The following VPS52 variants were observed in gnomAD, a reference collection of about 807,000 sequenced individuals.
The protein encoded by VPS52 is vacuolar protein sorting-associated protein 52 homolog.
In VPS52, 56 loss-of-function variants were observed where a neutral mutation model predicts 98.7. That is an observed-to-expected ratio of 0.57 (90% CI 0.46 to 0.71). The LOEUF is 0.71. VPS52 is among the 30% of genes least tolerant of loss of function. The probability of loss-of-function intolerance (pLI) is 0.00; values close to 1 mark genes in which losing one functional copy is unlikely to be tolerated. For missense variants in VPS52, 742 were observed against 925.9 expected, an observed-to-expected ratio of 0.80 and a Z score of 2.58; for synonymous variants, 348 against 346.4, an observed-to-expected ratio of 1.00 and a Z score of -0.05.
At chr6:33,266,160 ATT>A (rs9280390) in intron 12 of VPS52, among the ~76,000 whole-genome samples, 5,751 of 119,558 alleles carry the variant, frequency 0.048, 349 homozygotes, top group African/African-American at 0.17. Flanking sequence ...GCACCTGGCT[ATT>A]TTTTTTTTTT....
chr6:33,266,589 C>T lies in VPS52; in HGVS notation c.1249G>A (p.Ala417Thr), dbSNP rs1164458751. ...SGPAAHDLFH[A>T]VMGRTLSMTL... ...ATGCTGAGTGTACGGCCCATGACAG[C>T]ATGGAACAGGTCGTGTGCAGCTGGG... Residue 417 changes from alanine (A) to threonine (T), a missense_variant, in exon 12 of 20, where the codon GCT becomes ACT. Around this residue, in one of 2 missense-constraint regions of VPS52, gnomAD observed 590 missense variants for 793.3 expected, o/e 0.74. Coordinates refer to ENST00000445902, the MANE Select transcript of VPS52 (RefSeq NM_022553.6). 1.9e-6 allele frequency: 3 copies of T among 1,611,938 alleles called. No homozygotes were observed. The East Asian group carries it at 6.7e-5, about 36-fold the overall frequency.
chr6:33,269,075 C>G lies in VPS52; in HGVS notation c.487G>C (p.Ala163Pro). 6.2e-7 allele frequency: 1 copy of G among 1,612,938 alleles called. No homozygotes were observed. Among genetic ancestry groups the G allele is most frequent in the Non-Finnish European group, 8.5e-7 (1 of 1,179,950 alleles). ...AMNIRLRNRQ[A>P]VRGKLGELVD... ...AGCTCCCCAAGTTTCCCCCGAACTG[C>G]CTGGCGATTTCGAAGTCGAATGTTC... Residue 163 changes from alanine to proline, a missense_variant, in exon 6 of 20, where the codon GCA (alanine) becomes CCA (proline). Transcript: ENST00000445902.
intron 1 of VPS52, chr6:33,271,063 GC>G: frequency 4.0e-6 from 1 of 249,404 alleles, no homozygotes; most frequent in South Asian, 7.1e-5. Flanking sequence ...TCAGACTCCT[GC>G]CATCTTGGGT....
chr6:33,265,927 C>T (rs1024295116), intron 12 of VPS52, among the ~76,000 whole-genome samples: 1 of 151,890 alleles, frequency 6.6e-6, no homozygotes, highest in African/African-American at 2.4e-5. Flanking sequence ...AGTGCAATGG[C>T]GCAATCTTGG....
chr6:33,269,297 G>T, intron 5 of VPS52, 108 bp from the exon 6 acceptor site: 1 of 1,490,260 alleles, frequency 6.7e-7, no homozygotes, highest in Non-Finnish European at 9.2e-7. Context: ...CTTGAGGGTG[G>T]CAGATGATGA....
upstream of VPS52, chr6:33,271,947 G>T (rs1216096752): frequency 1.9e-6 from 2 of 1,052,766 alleles, no homozygotes. Context: ...ACCGGAAGTT[G>T]TGGTACCCAA....
At chr6:33,264,584 T>G (rs1453369126) in intron 13 of VPS52, 87 bp from the exon 14 acceptor site, 4 of 1,579,684 alleles carry the variant, frequency 2.5e-6, no homozygotes, top group Non-Finnish European at 3.5e-6. Context: ...AGTTTAATGG[T>G]CAATAGCTAG....
chr6:33,268,384 G>A lies in VPS52; in HGVS notation c.699+115C>T. 1 of 1,412,452 alleles carries A rather than the reference G, an allele frequency of 7.1e-7. No homozygotes were observed. Among genetic ancestry groups the A allele is most frequent in the Non-Finnish European group, 9.7e-7 (1 of 1,036,220 alleles). 87.5% of individuals were successfully genotyped at this position (1,412,452 alleles called of 1,614,324 possible). A position where few individuals can be genotyped will look rare whatever the true frequency, so the allele number is the denominator to read the frequency against. ...ACAAGAATGGGGCTGCCCAGAAAAG[G>A]CAGGGTGAAGTCCCTGGAGACAGGC... On this transcript the variant is annotated intron_variant, in intron 7 of 19. Coordinates refer to ENST00000445902, the MANE Select transcript of VPS52 (RefSeq NM_022553.6). This position sits in a 1 kb window ranked among gnomAD's most constrained non-coding sequence, Gnocchi z 4.0.
intron 17 of VPS52, among the ~76,000 whole-genome samples, chr6:33,257,462 G>A (rs180925523): frequency 4.8e-4 from 72 of 151,128 alleles, no homozygotes; most frequent in African/African-American, 1.6e-3. Context: ...GCAGTGGCAC[G>A]ATCTTGGCTC....
At position 33,251,975 on chromosome 6, in the gene VPS52, G is replaced by C; in HGVS notation, c.1795-4C>G. On this transcript the variant is annotated splice_region_variant and splice_polypyrimidine_tract_variant and intron_variant, in intron 17 of 19. Transcript: ENST00000445902. ...ACAGCAACTCTTCAATGAATTCCTG[G>C]AAAGACACAAACACATATACACAGG... The C allele has an allele frequency of 6.2e-7, 1 of 1,612,336 alleles. No individual in the cohort carries two copies. The highest frequency in any genetic ancestry group is 8.5e-7 in the Non-Finnish European group (1 of 1,179,458).
chr6:33,253,944 G>A (rs2150792977), intron 17 of VPS52, among the ~76,000 whole-genome samples: 1 of 152,076 alleles, frequency 6.6e-6, no homozygotes, highest in Non-Finnish European at 1.5e-5. Flanking sequence ...ATGCCTGGGG[G>A]TTCACTATGC....
chr6:33,269,404 C>T lies in VPS52; in HGVS notation c.372+86G>A, dbSNP rs1022587827. 1.9e-6 allele frequency: 3 copies of T among 1,566,486 alleles called. No individual in the cohort carries two copies. The Admixed American group carries it at 5.0e-5, about 26-fold the overall frequency. ...GAAAATGACCCTAACCTGTCCCCAT[C>T]TTGAGGCTGATGACCTAAAAATGGC... On this transcript the variant is annotated intron_variant, in intron 5 of 19. Coordinates refer to ENST00000445902, the MANE Select transcript of VPS52 (RefSeq NM_022553.6).
At position 33,252,259 on chromosome 6, in the gene VPS52, C is replaced by A. The variant is rs531208087; in HGVS notation, c.1795-288G>T. 2.6e-5 allele frequency among the ~76,000 whole-genome samples: 4 copies of A among 152,254 alleles called. No individual in the cohort carries two copies. In the South Asian group the frequency reaches 8.3e-4, roughly 32 times the overall value. ...ATAGCTGCTGACCTTAAGAACTATC[C>A]GATACGGATAGCAGTTGTACTGTGT... is the stretch of plus-strand genomic sequence containing the variant. On this transcript the variant is annotated intron_variant, in intron 17 of 19. Transcript: ENST00000445902.
intron 17 of VPS52, among the ~76,000 whole-genome samples, chr6:33,256,072 A>G (rs1046817224): frequency 1.3e-5 from 2 of 152,146 alleles, no homozygotes; most frequent in African/African-American, 4.8e-5. Flanking sequence ...AAGACAAAAA[A>G]CTAGAAAAGA....
chr6:33,271,505 C>T, intron 1 of VPS52, 81 bp downstream of exon 1: 1 of 1,545,254 alleles, frequency 6.5e-7, no homozygotes, highest in African/African-American at 1.4e-5. Context: ...AAGTTCCCAC[C>T]CTTGTGCCTA....
chr6:33,253,705 T>C (rs1762598530), intron 17 of VPS52, among the ~76,000 whole-genome samples: 1 of 151,894 alleles, frequency 6.6e-6, no homozygotes. Context: ...CAGGGAGTTA[T>C]ATCATGCTAC....
In VPS52 at chr6:33,268,966, C is replaced by G; in HGVS notation, c.548+48G>C. 6.3e-7 allele frequency: 1 copy of G among 1,598,158 alleles called. No homozygotes were observed. Among genetic ancestry groups the G allele is most frequent in the Non-Finnish European group, 8.5e-7 (1 of 1,171,600 alleles). The stretch of plus-strand genomic sequence containing the variant: ...TGGTAAATAGGGTGGGTCACCCCAG[C>G]CCATCCACCTGCTATGGACATTATA... On this transcript the variant is annotated intron_variant, in intron 6 of 19. Coordinates refer to ENST00000445902, the MANE Select transcript of VPS52 (RefSeq NM_022553.6). The surrounding 1 kb of genome is among the most constrained non-coding windows in gnomAD (Gnocchi z 4.0).
chr6:33,267,349 A>G lies in VPS52; in HGVS notation c.992-28T>C. ...AAGATGGGTCAGAGTCAGGGAAAAC[A>G]ATGAGACCATAACTGGGCCCAAAGA... On this transcript the variant is annotated intron_variant, in intron 10 of 19. Transcript: ENST00000445902. This position sits in a 1 kb window ranked among gnomAD's most constrained non-coding sequence, Gnocchi z 4.2. 6.5e-7 allele frequency: 1 copy of G among 1,548,998 alleles called. No individual in the cohort carries two copies. The highest frequency in any genetic ancestry group is 8.7e-7 in the Non-Finnish European group (1 of 1,147,668).
At position 33,251,664 on chromosome 6, in the gene VPS52, G is replaced by C. The variant is rs1437896122; in HGVS notation, c.1907-28C>G. On this transcript the variant is annotated intron_variant, in intron 18 of 19. Transcript: ENST00000445902. ...AATAGCAGGAGGAAACAGTGTCAGA[G>C]AGGGATCTGGCTGATCTTCAACTCC... The C allele has an allele frequency of 3.8e-6, 6 of 1,566,542 alleles. No individual in the cohort carries two copies. In the South Asian group the frequency reaches 5.6e-5, roughly 15 times the overall value.
Sources: allele counts gnomAD v4.1 joint callset (sites outside exome capture counted in the v4.1 genomes callset), GRCh38; gene constraint gnomAD v4.1.1; regional missense constraint gnomAD v4.1.1; non-coding constraint Gnocchi (gnomAD v3.1); transcripts MANE v1.5; gene names NCBI Gene and HGNC (gene_info 2026-07-23, HGNC 2026-07-21).